Variants in TBC1D8 observed in about 807,000 individuals in gnomAD.
TBC1D8 encodes the protein BUB2-like protein 1.
Under a neutral mutation model 118.8 loss-of-function variants are expected in TBC1D8, and 65 were observed. The observed-to-expected ratio is 0.55, with a 90% confidence interval of 0.45 to 0.67. TBC1D8 has a LOEUF of 0.67. TBC1D8 is among the 30% of genes least tolerant of loss of function. TBC1D8 has a pLI of 0.00. For missense variants in TBC1D8, 1,376 were observed against 1,471.2 expected (o/e 0.94, Z 1.06); for synonymous variants, 566 against 595.8 (o/e 0.95, Z 0.73).
At chr2:101,095,800 G>C (rs968074413) in intron 1 of TBC1D8, among the ~76,000 whole-genome samples, 1 of 152,194 alleles carries the variant, frequency 6.6e-6, no homozygotes, top group South Asian at 2.1e-4. Flanking sequence ...TCATTAACTA[G>C]AGAAAGTCTT....
At chr2:101,054,754 C>G (rs1682316940) in intron 3 of TBC1D8, among the ~76,000 whole-genome samples, 1 of 135,980 alleles carries the variant, frequency 7.4e-6, no homozygotes, top group East Asian at 2.4e-4. Flanking sequence ...ACGATCTCAA[C>G]TCACCGCAAC....
chr2:101,138,417 C>T (rs921443531), intron 1 of TBC1D8, among the ~76,000 whole-genome samples: 1 of 152,166 alleles, frequency 6.6e-6, no homozygotes, highest in African/African-American at 2.4e-5. Context: ...TCTACAATTC[C>T]ATTCAATTCT....
intron 1 of TBC1D8, among the ~76,000 whole-genome samples, chr2:101,115,343 T>A (rs148907770): frequency 8.9e-4 from 135 of 152,332 alleles, no homozygotes; most frequent in African/African-American, 3.1e-3. Context: ...CAGGAGCAAT[T>A]TACTTCCTCA....
chr2:101,099,873 G>C (rs1182385536), intron 1 of TBC1D8, among the ~76,000 whole-genome samples: 1 of 151,994 alleles, frequency 6.6e-6, no homozygotes, highest in African/African-American at 2.4e-5. Flanking sequence ...AAAATAATAA[G>C]AGCTATTTAT....
At chr2:101,027,685 C>T (rs1680417063) in intron 14 of TBC1D8, among the ~76,000 whole-genome samples, 1 of 152,234 alleles carries the variant, frequency 6.6e-6, no homozygotes, top group African/African-American at 2.4e-5. Context: ...CTACCGAGCT[C>T]TAATGGAAGC....
At chr2:101,131,641 T>C (rs1035744668) in intron 1 of TBC1D8, among the ~76,000 whole-genome samples, 1 of 150,644 alleles carries the variant, frequency 6.6e-6, no homozygotes, top group Non-Finnish European at 1.5e-5. Context: ...GGTGAAACCC[T>C]GTCTCTACTA....
chr2:101,134,851 G>A (rs926369812), intron 1 of TBC1D8, among the ~76,000 whole-genome samples: 4 of 152,186 alleles, frequency 2.6e-5, no homozygotes, highest in African/African-American at 9.7e-5. Context: ...GGCTTTCCAG[G>A]TTGCACATGA....
chr2:101,077,129 T>C (rs1441654953), intron 2 of TBC1D8, among the ~76,000 whole-genome samples: 2 of 151,994 alleles, frequency 1.3e-5, no homozygotes, highest in Non-Finnish European at 2.9e-5. Flanking sequence ...GTTCACGCCA[T>C]TCTCCTGCCT....
At chr2:101,134,895 C>T (rs1678774970) in intron 1 of TBC1D8, among the ~76,000 whole-genome samples, 1 of 152,150 alleles carries the variant, frequency 6.6e-6, no homozygotes, top group African/African-American at 2.4e-5. Flanking sequence ...CATATTTGGC[C>T]GGGCACGGTG....
intron 2 of TBC1D8, among the ~76,000 whole-genome samples, chr2:101,066,761 G>A (rs1016691323): frequency 5.3e-5 from 8 of 151,972 alleles, no homozygotes; most frequent in East Asian, 1.9e-4. Flanking sequence ...CCTGGCCAAC[G>A]TGGCGAAACC....
At chr2:101,121,425 C>T (rs972111842) in intron 1 of TBC1D8, among the ~76,000 whole-genome samples, 1 of 152,224 alleles carries the variant, frequency 6.6e-6, no homozygotes, top group African/African-American at 2.4e-5. Flanking sequence ...GGCTCTGTAG[C>T]TGCTACAAGG....
intron 9 of TBC1D8, among the ~76,000 whole-genome samples, chr2:101,034,978 G>A (rs1028362280): frequency 1.3e-5 from 2 of 152,088 alleles, no homozygotes; most frequent in African/African-American, 4.8e-5. Context: ...CAGGAAGCAT[G>A]AAGGCTGTGT....
At chr2:101,021,637 T>A in intron 17 of TBC1D8, 44 bp downstream of exon 17, 1 of 1,315,724 alleles carries the variant, frequency 7.6e-7, no homozygotes, top group Admixed American at 1.8e-5. Context: ...TGATACTGTG[T>A]TGAAGCAGAG....
chr2:101,041,657 CACTGA>C (rs1359286386), intron 5 of TBC1D8, among the ~76,000 whole-genome samples: 6 of 151,996 alleles, frequency 3.9e-5, no homozygotes. Context: ...TGGTAAAAAC[CACTGA>C]ATGGTACACT....
chr2:101,129,943 G>A (rs990436057), intron 1 of TBC1D8, among the ~76,000 whole-genome samples: 8 of 151,164 alleles, frequency 5.3e-5, no homozygotes, highest in African/African-American at 7.3e-5. Flanking sequence ...GGGCTAGCCC[G>A]AGCCAAATCA....
chr2:101,127,311 G>A (rs527760923), intron 1 of TBC1D8, among the ~76,000 whole-genome samples: 6 of 151,498 alleles, frequency 4.0e-5, no homozygotes, highest in South Asian at 2.1e-4. Flanking sequence ...ACTCCAGCCC[G>A]GGCAACAGTG....
At chr2:101,068,603 G>C in intron 2 of TBC1D8, 1 of 544,230 alleles carries the variant, frequency 1.8e-6, no homozygotes, top group Admixed American at 2.8e-5. Flanking sequence ...AGCAGCACAG[G>C]ATACAATTCG....
At chr2:101,128,677 C>T (rs191965840) in intron 1 of TBC1D8, among the ~76,000 whole-genome samples, 2 of 152,270 alleles carry the variant, frequency 1.3e-5, no homozygotes, top group East Asian at 3.9e-4. Context: ...AGCCAAAAGG[C>T]GGAAGTAACC....
chr2:101,125,439 G>C (rs972456991), intron 1 of TBC1D8, among the ~76,000 whole-genome samples: 1 of 152,092 alleles, frequency 6.6e-6, no homozygotes, highest in Non-Finnish European at 1.5e-5. Flanking sequence ...ACACACACAG[G>C]CCTCCTTCCA....
Sources: allele counts gnomAD v4.1 joint callset (sites outside exome capture counted in the v4.1 genomes callset), GRCh38; gene constraint gnomAD v4.1.1; transcripts MANE v1.5; gene names NCBI Gene and HGNC (gene_info 2026-07-23, HGNC 2026-07-21).